Variants in ABCE1 observed in about 807,000 individuals in gnomAD.
ABCE1 encodes the protein ATP-binding cassette sub-family E member 1.
Under a neutral mutation model 83.4 loss-of-function variants are expected in ABCE1, and 22 were observed. The observed-to-expected ratio is 0.26, with a 90% CI of 0.19 to 0.38. ABCE1 has a LOEUF of 0.38. Among genes scored for constraint, ABCE1 ranks in the 10% least tolerant of loss-of-function variants. The pLI, the probability that ABCE1 is intolerant of heterozygous loss-of-function variation, is 1.00. For missense variants in ABCE1, 330 were observed against 721.9 expected, an observed-to-expected ratio of 0.46 and a Z score of 6.22; for synonymous variants, 204 against 233.7, an observed-to-expected ratio of 0.87 and a Z score of 1.16.
At chr4:145,101,237 A>T (rs1258175129) in intron 1 of ABCE1, among the ~76,000 whole-genome samples, 3 of 152,136 alleles carry the variant, frequency 2.0e-5, no homozygotes, top group African/African-American at 7.2e-5. Flanking sequence ...GAAAGGAGTA[A>T]GCCATGTAAC....
intron 9 of ABCE1, 123 bp downstream of exon 9, chr4:145,112,451 G>A (rs1749506697): frequency 4.2e-6 from 3 of 718,178 alleles, no homozygotes; most frequent in South Asian, 1.9e-5. Context: ...GTTTATAGCT[G>A]CCACCTAAAT....
intron 9 of ABCE1, among the ~76,000 whole-genome samples, chr4:145,113,502 C>A (rs1044493689): frequency 6.6e-6 from 1 of 152,078 alleles, no homozygotes; most frequent in South Asian, 2.1e-4. Flanking sequence ...ATGCTTTCAA[C>A]CCTGGTTGCA....
chr4:145,109,973 T>C (rs935381176), intron 5 of ABCE1, 130 bp from the exon 6 acceptor site: 2 of 755,636 alleles, frequency 2.6e-6, no homozygotes, highest in African/African-American at 1.8e-5. Context: ...TTAATTATGT[T>C]CGCCTCCAAC....
At chr4:145,121,436 A>G in intron 13 of ABCE1, 45 bp downstream of exon 13, 4 of 1,375,698 alleles carry the variant, frequency 2.9e-6, no homozygotes, top group Admixed American at 1.8e-5. Flanking sequence ...AATTTTGTAT[A>G]TATGCCTATA....
At position 145,110,258 on chromosome 4, in the gene ABCE1, G is replaced by T; in HGVS notation, c.543+18G>T. On this transcript the variant is annotated intron_variant, in intron 6 of 17. Transcript: ENST00000296577. ...CTGCAAAGGTCGGTTTTTGATAGAG[G>T]GAACTTAACGGATATTAGTAGAAGT... 1.9e-6 allele frequency: 3 copies of T among 1,595,410 alleles called. No individual in the cohort carries two copies. The highest frequency in any genetic ancestry group is 2.6e-6 in the Non-Finnish European group (3 of 1,174,520).
chr4:145,109,445 T>A (rs951391580), intron 5 of ABCE1, among the ~76,000 whole-genome samples, 196 bp downstream of exon 5: 31 of 152,156 alleles, frequency 2.0e-4, no homozygotes, highest in Non-Finnish European at 2.9e-4. Flanking sequence ...AAATTCTGAG[T>A]TGTTAAGCCT....
chr4:145,100,763 A>G (rs1749127791), intron 1 of ABCE1, among the ~76,000 whole-genome samples: 1 of 151,982 alleles, frequency 6.6e-6, no homozygotes, highest in Non-Finnish European at 1.5e-5. Flanking sequence ...TTTTTTCAGT[A>G]TGTAGTTTAG....
intron 9 of ABCE1, among the ~76,000 whole-genome samples, 187 bp downstream of exon 9, chr4:145,112,515 A>G (rs1029871066): frequency 4.0e-5 from 6 of 151,832 alleles, no homozygotes; most frequent in African/African-American, 1.5e-4. Flanking sequence ...ATTTATTAAC[A>G]CCCCCGCTTC....
At position 145,117,548 on chromosome 4, in the gene ABCE1, C is replaced by G. The variant is rs994153734; in HGVS notation, c.922+134C>G. The G allele has an allele frequency of 4.0e-6, 3 of 745,880 alleles. No individual in the cohort carries two copies. In the African/African-American group the frequency reaches 5.3e-5, roughly 13 times the overall value. The allele number at this position is 745,880 out of a possible 1,614,324, so 46.2% of individuals were successfully genotyped here. A position where few individuals can be genotyped will look rare whatever the true frequency, so the allele number is the denominator to read the frequency against. ...ACTCTAGTTCCTTGGAATTTAATCA[C>G]TGAGCATATAAGGTTATATATATCA... is the stretch of plus-strand genomic sequence containing the variant. On this transcript the variant is annotated intron_variant, in intron 10 of 17. Coordinates refer to ENST00000296577, the MANE Select transcript of ABCE1 (RefSeq NM_002940.3).
Position 145,125,033 on chromosome 4 carries a change from C to G in ABCE1, c.1684C>G (p.Leu562Val). The G allele has an allele frequency of 6.2e-7, 1 of 1,613,098 alleles. No individual in the cohort carries two copies. Among genetic ancestry groups the G allele is most frequent in the Non-Finnish European group, 8.5e-7 (1 of 1,179,526 alleles). ...TGGCATGAATAAATTTTTGTCTCAG[C>G]TTGAAATTACATTCAGAAGAGATCC... The part of the protein sequence containing the change: ...LAGMNKFLSQ[L>V]EITFRRDPNN... The change falls in exon 17 of 18, where the codon CTT (leucine) becomes GTT (valine). Residue 562 changes from leucine to valine, a missense_variant. Coordinates refer to ENST00000296577, the MANE Select transcript of ABCE1 (RefSeq NM_002940.3).
intron 13 of ABCE1, 154 bp downstream of exon 13, chr4:145,121,545 T>G: frequency 1.6e-6 from 1 of 613,180 alleles, no homozygotes; most frequent in South Asian, 2.1e-5. Context: ...CAATCCTTGA[T>G]TCATATCCAC....
chr4:145,113,506 G>A (rs907317215), intron 9 of ABCE1, among the ~76,000 whole-genome samples: 4 of 152,068 alleles, frequency 2.6e-5, no homozygotes, highest in Admixed American at 6.6e-5. Context: ...TTTCAACCCT[G>A]GTTGCACAGG....
chr4:145,106,284 C>T (rs1749299333), intron 3 of ABCE1, among the ~76,000 whole-genome samples: 1 of 151,928 alleles, frequency 6.6e-6, no homozygotes, highest in African/African-American at 2.4e-5. Flanking sequence ...TATAAAAAGG[C>T]GCTTCACCAG....
chr4:145,113,461 T>C (rs149901447), intron 9 of ABCE1, among the ~76,000 whole-genome samples: 44 of 152,282 alleles, frequency 2.9e-4, no homozygotes, highest in African/African-American at 9.9e-4. Context: ...TCTGGAACTT[T>C]TATGGTACAT....
intron 8 of ABCE1, among the ~76,000 whole-genome samples, chr4:145,111,987 T>C (rs1056458013): frequency 6.6e-6 from 1 of 152,194 alleles, no homozygotes; most frequent in Non-Finnish European, 1.5e-5. Context: ...AGTGACCAAT[T>C]TGTAAATTAG....
intron 9 of ABCE1, 97 bp from the exon 10 acceptor site, chr4:145,117,196 T>C: frequency 5.7e-6 from 6 of 1,052,644 alleles, no homozygotes; most frequent in Non-Finnish European, 7.9e-6. Flanking sequence ...TATGTCTTTA[T>C]GCTTAAATTT....
At position 145,116,256 on chromosome 4, in the gene ABCE1, C is replaced by A. The variant is rs1274581034; in HGVS notation, c.801-1037C>A. Among the ~76,000 whole-genome samples the A allele has an allele frequency of 3.3e-5, 5 of 151,898 alleles. No individual in the cohort carries two copies. In the East Asian group the frequency reaches 9.6e-4, roughly 29 times the overall value. On this transcript the variant is annotated intron_variant, in intron 9 of 17. Coordinates refer to ENST00000296577, the MANE Select transcript of ABCE1 (RefSeq NM_002940.3). The stretch of plus-strand genomic sequence containing the variant: ...TTTAGAAAGTGTTGAAAGTCTAAGT[C>A]TAATTAATTTAAGTGATTAATTTCA...
chr4:145,100,018 TA>T (rs1427923454), intron 1 of ABCE1, among the ~76,000 whole-genome samples: 1 of 152,210 alleles, frequency 6.6e-6, no homozygotes. Context: ...GAAAAACAAG[TA>T]GGGAATCCCC....
intron 4 of ABCE1, among the ~76,000 whole-genome samples, chr4:145,108,495 A>G (rs1173622764): frequency 1.3e-5 from 2 of 152,186 alleles, no homozygotes; most frequent in African/African-American, 4.8e-5. Context: ...TTGTTTATCC[A>G]TTAATCTTAT....
Sources: gnomAD v4.1 joint callset for allele counts (sites outside exome capture counted in the v4.1 genomes callset) on GRCh38, gnomAD v4.1.1 for gene constraint, MANE v1.5 for transcripts, NCBI Gene and HGNC (gene_info 2026-07-23, HGNC 2026-07-21) for gene names.